NARS2: variants seen among roughly 807,000 people sequenced by gnomAD.
NARS2 encodes the protein asparaginyl-tRNA synthetase.
Under a neutral mutation model 62.9 loss-of-function variants are expected in NARS2, and 60 were observed. That is an observed-to-expected ratio of 0.95 (90% CI 0.77 to 1.18). NARS2 has a LOEUF of 1.18. Among genes scored for constraint, NARS2 ranks in the 50% most tolerant of loss-of-function variants. The pLI, the probability that NARS2 is intolerant of heterozygous loss-of-function variation, is 0.00. For missense variants in NARS2, 619 were observed against 576.4 expected, an observed-to-expected ratio of 1.07 and a Z score of -0.76; for synonymous variants, 196 against 200.0, an observed-to-expected ratio of 0.98 and a Z score of 0.17.
At chr11:78,460,049 CAG>C (rs1003594247) in intron 11 of NARS2, among the ~76,000 whole-genome samples, 1 of 152,018 alleles carries the variant, frequency 6.6e-6, no homozygotes, top group African/African-American at 2.4e-5. Flanking sequence ...ATAATATACG[CAG>C]AGTCTGAGGT....
chr11:78,468,911 C>T (rs755753816), intron 10 of NARS2, among the ~76,000 whole-genome samples: 1 of 150,980 alleles, frequency 6.6e-6, no homozygotes, highest in East Asian at 1.9e-4. Flanking sequence ...GAATTATAGG[C>T]GTGAGCCCCA....
chr11:78,463,724 A>AC (rs1555013829), intron 11 of NARS2, among the ~76,000 whole-genome samples: 3 of 149,612 alleles, frequency 2.0e-5, no homozygotes, highest in African/African-American at 7.3e-5. Context: ...AAAAAAAAAA[A>AC]AAAAAAAAAA....
intron 3 of NARS2, 115 bp from the exon 4 acceptor site, chr11:78,566,387 C>T: frequency 1.3e-6 from 1 of 782,712 alleles, no homozygotes; most frequent in Non-Finnish European, 1.9e-6. Context: ...TCCTTTCCTT[C>T]TTTATTTCTT....
intron 7 of NARS2, among the ~76,000 whole-genome samples, chr11:78,491,420 T>C (rs370483187): frequency 3.3e-5 from 5 of 152,242 alleles, no homozygotes; most frequent in African/African-American, 1.2e-4. Flanking sequence ...GTGCCCTATA[T>C]GGGAATCCAG....
intron 4 of NARS2, among the ~76,000 whole-genome samples, chr11:78,560,552 A>G (rs1856524093): frequency 6.6e-6 from 1 of 152,252 alleles, no homozygotes; most frequent in Non-Finnish European, 1.5e-5. Context: ...CTTGGAATCA[A>G]TACAATAAAT....
chr11:78,438,601 C>T (rs1857483090), intron 13 of NARS2, among the ~76,000 whole-genome samples: 1 of 152,054 alleles, frequency 6.6e-6, no homozygotes, highest in African/African-American at 2.4e-5. Flanking sequence ...CTTGCCTTTG[C>T]TTTGATAGAT....
chr11:78,451,174 A>G (rs1044940311), intron 11 of NARS2, among the ~76,000 whole-genome samples: 2 of 152,226 alleles, frequency 1.3e-5, no homozygotes, highest in Non-Finnish European at 2.9e-5. Context: ...ACAAATAAAG[A>G]CACATTTTGA....
chr11:78,562,216 G>A (rs981775586), intron 4 of NARS2, among the ~76,000 whole-genome samples: 1 of 152,024 alleles, frequency 6.6e-6, no homozygotes, highest in Non-Finnish European at 1.5e-5. Flanking sequence ...TTGGGCCTAG[G>A]AGTTCAAGAC....
At chr11:78,479,321 T>C (rs1859246629) in intron 7 of NARS2, among the ~76,000 whole-genome samples, 1 of 152,182 alleles carries the variant, frequency 6.6e-6, no homozygotes, top group East Asian at 1.9e-4. Context: ...CTAGGCAACA[T>C]GGCAAAACTC....
chr11:78,447,475 C>T (rs1857804035), intron 11 of NARS2, among the ~76,000 whole-genome samples: 1 of 152,034 alleles, frequency 6.6e-6, no homozygotes, highest in Non-Finnish European at 1.5e-5. Context: ...GAACATACAC[C>T]TCAGCAATCC....
At chr11:78,477,924 A>G (rs914073619) in intron 9 of NARS2, among the ~76,000 whole-genome samples, 7 of 151,948 alleles carry the variant, frequency 4.6e-5, no homozygotes, top group Admixed American at 3.3e-4. Context: ...CTCTCTCTCT[A>G]TCTCCACACA....
intron 11 of NARS2, among the ~76,000 whole-genome samples, chr11:78,448,984 C>T (rs893974681): frequency 6.6e-6 from 1 of 152,128 alleles, no homozygotes; most frequent in Non-Finnish European, 1.5e-5. Context: ...TGATTATAAA[C>T]TTCCTTTAAT....
chr11:78,533,058 T>C (rs1357527053), intron 5 of NARS2: 1 of 152,186 alleles, frequency 6.6e-6, no homozygotes, highest in Non-Finnish European at 1.5e-5. Flanking sequence ...CTTGATTATT[T>C]CAGGGTGACA....
intron 11 of NARS2, among the ~76,000 whole-genome samples, chr11:78,449,769 C>T (rs1381479800): frequency 6.6e-6 from 1 of 152,142 alleles, no homozygotes; most frequent in Non-Finnish European, 1.5e-5. Flanking sequence ...CACTATAGGC[C>T]AGTTATACTC....
intron 5 of NARS2, chr11:78,555,129 T>G (rs1856299534): frequency 6.6e-6 from 1 of 152,236 alleles, no homozygotes; most frequent in African/African-American, 2.4e-5. Context: ...GGATTCAGTT[T>G]GCAAGTATTT....
At chr11:78,478,229 T>C in intron 9 of NARS2, among the ~76,000 whole-genome samples, 1 of 152,006 alleles carries the variant, frequency 6.6e-6, no homozygotes, top group Non-Finnish European at 1.5e-5. Flanking sequence ...TTATCAACTA[T>C]GAACCAAACA....
At chr11:78,443,522 T>C (rs1056427281) in intron 12 of NARS2, 139 bp downstream of exon 12, 1 of 487,862 alleles carries the variant, frequency 2.0e-6, no homozygotes, top group Admixed American at 3.3e-5. Flanking sequence ...AACAACTTGC[T>C]CAAGGACATA....
chr11:78,541,886 CA>C (rs1839540882), intron 5 of NARS2, among the ~76,000 whole-genome samples: 1 of 152,152 alleles, frequency 6.6e-6, no homozygotes. Flanking sequence ...ACGTAAAAAC[CA>C]AAGCCAAGGG....
chr11:78,545,456 C>T (rs1412409159), intron 5 of NARS2, among the ~76,000 whole-genome samples: 1 of 151,892 alleles, frequency 6.6e-6, no homozygotes, highest in Non-Finnish European at 1.5e-5. Flanking sequence ...CTTGCTGTTC[C>T]TTCTGACTGA....
Sources: gnomAD v4.1 joint callset for allele counts (sites outside exome capture counted in the v4.1 genomes callset) on GRCh38, gnomAD v4.1.1 for gene constraint, MANE v1.5 for transcripts, NCBI Gene and HGNC (gene_info 2026-07-23, HGNC 2026-07-21) for gene names.